Variants in GMPR observed in about 807,000 individuals in gnomAD.
GMPR encodes guanosine monophosphate reductase.
A neutral mutation model predicts 38.4 loss-of-function variants in GMPR; 31 were observed. The observed-to-expected ratio is 0.81, with a 90% CI of 0.61 to 1.09. The LOEUF is 1.09. Among genes scored for constraint, GMPR ranks in the 50% least tolerant of loss-of-function variants. GMPR has a pLI of 0.00. For synonymous variants in GMPR, 162 were observed against 173.3 expected (o/e 0.93, Z 0.51); for missense variants, 468 against 453.7 (o/e 1.03, Z -0.29).
chr6:16,265,797 T>A (rs1759188256), intron 4 of GMPR, among the ~76,000 whole-genome samples: 1 of 151,568 alleles, frequency 6.6e-6, no homozygotes, highest in South Asian at 2.1e-4. Context: ...CCAGCCCGGA[T>A]AACCCACTCC....
At chr6:16,285,949 T>C (rs1181959113) in intron 7 of GMPR, 114 bp downstream of exon 7, 10 of 853,340 alleles carry the variant, frequency 1.2e-5, no homozygotes, top group Non-Finnish European at 5.7e-6. Flanking sequence ...GTTCTGGGTC[T>C]CCTGGAGGTT....
At chr6:16,279,614 A>C (rs1168349803) in intron 6 of GMPR, among the ~76,000 whole-genome samples, 4 of 152,214 alleles carry the variant, frequency 2.6e-5, no homozygotes, top group African/African-American at 9.7e-5. Flanking sequence ...TGTAATAGAG[A>C]GAGCTGATGG....
chr6:16,252,451 A>G (rs77580093), intron 3 of GMPR, among the ~76,000 whole-genome samples: 7,193 of 152,116 alleles, frequency 0.047, 222 homozygotes, highest in Middle Eastern at 0.13. Flanking sequence ...AGTAGAGACA[A>G]GGTTTCACCA....
intron 3 of GMPR, among the ~76,000 whole-genome samples, chr6:16,254,062 C>T (rs1341883920): frequency 6.6e-6 from 1 of 152,170 alleles, no homozygotes; most frequent in Non-Finnish European, 1.5e-5. Context: ...TCCCAAGGAG[C>T]TGGGATTACA....
intron 6 of GMPR, among the ~76,000 whole-genome samples, chr6:16,284,834 A>T (rs569723222): frequency 1.3e-5 from 2 of 152,150 alleles, no homozygotes; most frequent in African/African-American, 4.8e-5. Flanking sequence ...AGCCAGGCCA[A>T]CGTGGCGAAA....
chr6:16,291,835 C>G (rs1212370769), intron 8 of GMPR, among the ~76,000 whole-genome samples: 1 of 150,970 alleles, frequency 6.6e-6, no homozygotes, highest in African/African-American at 2.4e-5. Flanking sequence ...GGCTTAAGCC[C>G]AGGAGTTGGA....
chr6:16,239,915 A>G (rs1490626468), intron 1 of GMPR, among the ~76,000 whole-genome samples: 1 of 152,144 alleles, frequency 6.6e-6, no homozygotes, highest in Non-Finnish European at 1.5e-5. Context: ...GAATGATTAA[A>G]ACTTATCGCC....
chr6:16,254,946 A>G (rs563860319), intron 4 of GMPR, among the ~76,000 whole-genome samples: 15 of 151,868 alleles, frequency 9.9e-5, no homozygotes, highest in Non-Finnish European at 1.9e-4. Flanking sequence ...ATCCCCATCA[A>G]CTTCATAGGA....
At chr6:16,280,800 A>G (rs1759559269) in intron 6 of GMPR, among the ~76,000 whole-genome samples, 1 of 152,212 alleles carries the variant, frequency 6.6e-6, no homozygotes, top group Non-Finnish European at 1.5e-5. Flanking sequence ...CCATTACCTA[A>G]TAATGTTAAC....
At chr6:16,284,090 C>T (rs929643083) in intron 6 of GMPR, among the ~76,000 whole-genome samples, 2 of 152,316 alleles carry the variant, frequency 1.3e-5, no homozygotes, top group South Asian at 4.1e-4. Context: ...TAATATTCCT[C>T]AGTGCTCTGT....
chr6:16,265,511 C>G (rs1051336474), intron 4 of GMPR, among the ~76,000 whole-genome samples: 1 of 152,172 alleles, frequency 6.6e-6, no homozygotes, highest in African/African-American at 2.4e-5. Context: ...ACTTGGAGAA[C>G]TTTTCTGTCT....
chr6:16,263,858 G>A (rs1467120579), intron 4 of GMPR, among the ~76,000 whole-genome samples: 1 of 151,730 alleles, frequency 6.6e-6, no homozygotes, highest in Non-Finnish European at 1.5e-5. Flanking sequence ...TAAGGGATTG[G>A]GGCACAGAGA....
chr6:16,268,890 A>G (rs1759324415), intron 4 of GMPR, among the ~76,000 whole-genome samples: 1 of 151,158 alleles, frequency 6.6e-6, no homozygotes, highest in African/African-American at 2.4e-5. Flanking sequence ...TAAATTTAAA[A>G]TAAATATGAA....
intron 7 of GMPR, among the ~76,000 whole-genome samples, chr6:16,289,312 G>A (rs909402051): frequency 9.9e-5 from 15 of 152,156 alleles, no homozygotes; most frequent in Non-Finnish European, 1.3e-4. Flanking sequence ...CACCAGTTCC[G>A]AACACAGTAG....
At chr6:16,273,965 G>C (rs886218481) in intron 4 of GMPR, among the ~76,000 whole-genome samples, 1 of 151,934 alleles carries the variant, frequency 6.6e-6, no homozygotes, top group African/African-American at 2.4e-5. Flanking sequence ...ACAGGCATGC[G>C]CCACCAGGCC....
chr6:16,294,653 G>A (rs1275571123), intron 8 of GMPR, among the ~76,000 whole-genome samples: 3 of 152,212 alleles, frequency 2.0e-5, no homozygotes, highest in Non-Finnish European at 2.9e-5. Context: ...GAAAGGTAAA[G>A]GTGGTTTCTG....
At chr6:16,277,578 G>A (rs1759495419) in intron 5 of GMPR, among the ~76,000 whole-genome samples, 1 of 152,226 alleles carries the variant, frequency 6.6e-6, no homozygotes, top group Non-Finnish European at 1.5e-5. Context: ...TTCTTTCAGT[G>A]ACTATTTATA....
chr6:16,285,047 CAGAAA>C (rs1161537412), intron 6 of GMPR, among the ~76,000 whole-genome samples: 61 of 116,500 alleles, frequency 5.2e-4, no homozygotes, highest in Non-Finnish European at 7.7e-4. Flanking sequence ...AAAAAAAAAA[CAGAAA>C]AGAAAAGAAA....
intron 3 of GMPR, among the ~76,000 whole-genome samples, chr6:16,252,618 C>T (rs1459811541): frequency 3.9e-5 from 6 of 152,132 alleles, no homozygotes; most frequent in Admixed American, 3.3e-4. Flanking sequence ...TGTGATACAT[C>T]GACTTACTAC....
Sources: gnomAD v4.1 joint callset for allele counts (sites outside exome capture counted in the v4.1 genomes callset) on GRCh38, gnomAD v4.1.1 for gene constraint, MANE v1.5 for transcripts, NCBI Gene and HGNC (gene_info 2026-07-23, HGNC 2026-07-21) for gene names.